RSU1: variants seen among roughly 807,000 people sequenced by gnomAD.
RSU1 encodes rsu-1.
RSU1 carries 26 observed loss-of-function variants against 31.1 expected under a neutral mutation model. That is an observed-to-expected ratio of 0.84 (90% CI 0.61 to 1.16). The LOEUF (loss-of-function observed/expected upper bound fraction) is 1.16. RSU1 is among the 50% of genes most tolerant of loss of function. RSU1 has a pLI of 0.00. For synonymous variants in RSU1, 164 were observed against 136.3 expected (o/e 1.20, Z -1.41); for missense variants, 320 against 339.1 (o/e 0.94, Z 0.44).
intron 7 of RSU1, among the ~76,000 whole-genome samples, chr10:16,712,699 C>T (rs1039232554): frequency 6.6e-6 from 1 of 151,904 alleles, no homozygotes; most frequent in African/African-American, 2.4e-5. Context: ...TGTTTTTGAC[C>T]TTTTTGACTT....
At chr10:16,666,315 C>T (rs536848241) in intron 8 of RSU1, among the ~76,000 whole-genome samples, 24 of 152,240 alleles carry the variant, frequency 1.6e-4, no homozygotes, top group Non-Finnish European at 2.6e-4. Context: ...CCACAGAATG[C>T]GTGTAGAAAC....
chr10:16,642,511 C>T (rs890037957), intron 8 of RSU1, among the ~76,000 whole-genome samples: 3 of 152,186 alleles, frequency 2.0e-5, no homozygotes, highest in South Asian at 2.1e-4. Context: ...GAGCCACTTT[C>T]GTCTTAAGTT....
Position 16,780,704 on chromosome 10 carries a change from C to T in RSU1, c.160+1330G>A, listed in dbSNP as rs1406542240. On this transcript the variant is annotated intron_variant, in intron 3 of 8. Coordinates refer to ENST00000345264, the MANE Select transcript of RSU1 (RefSeq NM_012425.4). ...CAAATCTTGGGGGATTTAGGAATCA[C>T]GTGGTCCACGCTTCAAAACAGACCA... is the stretch of plus-strand genomic sequence containing the variant. Among the ~76,000 whole-genome samples the T allele has an allele frequency of 3.9e-5, 6 of 152,206 alleles. 1 individual carries two copies. The highest frequency in any genetic ancestry group is 7.3e-5 in the Non-Finnish European group (5 of 68,032).
intron 8 of RSU1, among the ~76,000 whole-genome samples, chr10:16,648,519 AGTCTACAGTTAGCCAAGTCTATGGCTT>A: frequency 6.6e-6 from 1 of 152,300 alleles, no homozygotes; most frequent in Admixed American, 6.5e-5. Context: ...GAGAAGCTGT[AGTCTACAGTTAGCCAAGTCTATGGCTT>A]GTTTGAAAGG....
chr10:16,684,952 A>G (rs1835411947), intron 8 of RSU1, among the ~76,000 whole-genome samples: 1 of 152,196 alleles, frequency 6.6e-6, no homozygotes, highest in African/African-American at 2.4e-5. Flanking sequence ...ATATGTTCCA[A>G]ATGAGATTAT....
intron 2 of RSU1, among the ~76,000 whole-genome samples, chr10:16,792,319 A>T (rs3780968): frequency 1.3e-5 from 2 of 151,806 alleles, no homozygotes; most frequent in Admixed American, 6.5e-5. Flanking sequence ...TACAACCTCC[A>T]CCTCCCGAGT....
intron 2 of RSU1, among the ~76,000 whole-genome samples, chr10:16,802,242 C>G (rs1205749442): frequency 6.7e-6 from 1 of 149,806 alleles, no homozygotes; most frequent in Non-Finnish European, 1.5e-5. Context: ...AAAGAAGGGC[C>G]ATTACTACTG....
At chr10:16,757,600 G>A (rs1262546668) in intron 4 of RSU1, among the ~76,000 whole-genome samples, 1 of 152,210 alleles carries the variant, frequency 6.6e-6, no homozygotes, top group Non-Finnish European at 1.5e-5. Context: ...CAGGTAAGAT[G>A]GAGCTTGTCA....
At chr10:16,654,472 C>G (rs1834738675) in intron 8 of RSU1, among the ~76,000 whole-genome samples, 1 of 150,388 alleles carries the variant, frequency 6.6e-6, no homozygotes, top group Non-Finnish European at 1.5e-5. Flanking sequence ...GAGTTTGAGA[C>G]CAGCCCGAGC....
chr10:16,797,748 CAA>C (rs141741616), intron 2 of RSU1, among the ~76,000 whole-genome samples: 2 of 146,588 alleles, frequency 1.4e-5, no homozygotes, highest in Non-Finnish European at 3.0e-5. Flanking sequence ...AAATTAGAAA[CAA>C]AAAAAATTAT....
chr10:16,804,791 T>C (rs1414894968), intron 2 of RSU1, among the ~76,000 whole-genome samples: 7 of 152,180 alleles, frequency 4.6e-5, no homozygotes, highest in Admixed American at 4.6e-4. Flanking sequence ...AACTGTAACA[T>C]TTCAGTGGTT....
intron 2 of RSU1, among the ~76,000 whole-genome samples, chr10:16,802,723 AG>A (rs145496234): frequency 0.18 from 27,392 of 152,076 alleles, 2,546 homozygotes; most frequent in Middle Eastern, 0.21. Context: ...AGGTATGCAA[AG>A]GTGGTTCAAA....
At chr10:16,785,499 T>TATATACAC (rs1384184897) in intron 2 of RSU1, among the ~76,000 whole-genome samples, 7 of 123,076 alleles carry the variant, frequency 5.7e-5, no homozygotes, top group African/African-American at 2.6e-4. Flanking sequence ...CATATATATA[T>TATATACAC]ACACATATAT....
At chr10:16,676,863 T>C (rs1835243350) in intron 8 of RSU1, among the ~76,000 whole-genome samples, 1 of 152,172 alleles carries the variant, frequency 6.6e-6, no homozygotes, top group African/African-American at 2.4e-5. Flanking sequence ...GAAAGATAGA[T>C]TTGTACTTGT....
intron 2 of RSU1, among the ~76,000 whole-genome samples, chr10:16,803,380 T>C (rs1483732956): frequency 6.6e-6 from 1 of 152,100 alleles, no homozygotes; most frequent in Non-Finnish European, 1.5e-5. Context: ...AATGAGATAC[T>C]TCAGGTTCAT....
chr10:16,694,050 T>C (rs916566597), intron 8 of RSU1, among the ~76,000 whole-genome samples: 1 of 152,040 alleles, frequency 6.6e-6, no homozygotes, highest in African/African-American at 2.4e-5. Flanking sequence ...GGGGCTGGGA[T>C]AAGGTAGGAA....
intron 7 of RSU1, among the ~76,000 whole-genome samples, chr10:16,711,425 C>G (rs188830424): frequency 1.3e-5 from 2 of 152,230 alleles, no homozygotes; most frequent in Admixed American, 1.3e-4. Flanking sequence ...TTCCTTCTAT[C>G]AATTTTGGGT....
intron 8 of RSU1, among the ~76,000 whole-genome samples, chr10:16,652,971 G>A (rs1834713604): frequency 6.6e-6 from 1 of 152,048 alleles, no homozygotes; most frequent in Non-Finnish European, 1.5e-5. Flanking sequence ...GAGCCACAAT[G>A]CCTGGCCTAA....
Position 16,695,162 on chromosome 10 carries a change from G to GGGT in RSU1, c.599-8_599-7insACC. 7 of 1,479,646 alleles carry GGGT rather than the reference G, an allele frequency of 4.7e-6. No homozygotes were observed. Among genetic ancestry groups the GGGT allele is most frequent in the Non-Finnish European group, 6.4e-6 (7 of 1,099,830 alleles). 91.7% of individuals were successfully genotyped at this position (1,479,646 alleles called of 1,614,324 possible). A position where few individuals can be genotyped will look rare whatever the true frequency, so the allele number is the denominator to read the frequency against. On this transcript the variant is annotated splice_polypyrimidine_tract_variant and splice_region_variant and intron_variant, in intron 7 of 8. Coordinates refer to ENST00000345264, the MANE Select transcript of RSU1 (RefSeq NM_012425.4). Reference sequence around the variant, plus strand: ...CCAGTTAAATCCAAGTTTCCTGGGGGGGGGGAAAAAAAAAGTGAAGGTCAC... The same window carrying GGGT: ...CCAGTTAAATCCAAGTTTCCTGGGGGGGTGGGGGAAAAAAAAAGTGAAGGTCAC...
Sources: gnomAD v4.1 joint callset for allele counts (sites outside exome capture counted in the v4.1 genomes callset) on GRCh38, gnomAD v4.1.1 for gene constraint, MANE v1.5 for transcripts, NCBI Gene and HGNC (gene_info 2026-07-23, HGNC 2026-07-21) for gene names.